The following HYCC1 variants were observed in gnomAD, a reference collection of about 807,000 sequenced individuals.
HYCC1 encodes the protein hyccin.
the HYCC1 span, among the ~76,000 whole-genome samples, chr7:22,907,980 C>T: frequency 6.6e-6 from 1 of 152,142 alleles, no homozygotes; most frequent in Non-Finnish European, 1.5e-5. Context: ...CTCCCATTTG[C>T]TGACCCATAA....
chr7:22,901,578 C>T, the HYCC1 span, among the ~76,000 whole-genome samples: 1 of 151,860 alleles, frequency 6.6e-6, no homozygotes, highest in East Asian at 1.9e-4. Flanking sequence ...AAGCTCTAGC[C>T]CCAACTAAGA....
the HYCC1 span, among the ~76,000 whole-genome samples, chr7:22,915,362 C>T: frequency 5.2e-4 from 79 of 152,366 alleles, no homozygotes; most frequent in Non-Finnish European, 9.4e-4. Context: ...GGTATTCCTT[C>T]GGGACCTCAT....
the HYCC1 span, among the ~76,000 whole-genome samples, chr7:22,980,149 A>G: frequency 6.6e-6 from 1 of 152,188 alleles, no homozygotes; most frequent in Non-Finnish European, 1.5e-5. Flanking sequence ...GTCAGGAAGA[A>G]TAAAATGATA....
At chr7:22,940,264 T>G in the HYCC1 span, 2 of 76,434 alleles carry the variant, frequency 2.6e-5, no homozygotes, top group African/African-American at 4.7e-5. Context: ...TTTTTTTTTT[T>G]TTTTTGAGAT....
At chr7:22,927,101 G>T in the HYCC1 span, among the ~76,000 whole-genome samples, 4 of 152,170 alleles carry the variant, frequency 2.6e-5, no homozygotes, top group Non-Finnish European at 5.9e-5. Context: ...ATAACGAAAT[G>T]AAGGCAGAAA....
the HYCC1 span, among the ~76,000 whole-genome samples, chr7:23,012,510 A>AAAAAAAGCCC: frequency 2.4e-4 from 36 of 152,310 alleles, no homozygotes; most frequent in African/African-American, 6.5e-4. Flanking sequence ...TTTCCTAAAT[A>AAAAAAAGCCC]TGTGATGCTT....
the HYCC1 span, among the ~76,000 whole-genome samples, chr7:23,002,908 T>C: frequency 6.6e-6 from 1 of 152,260 alleles, no homozygotes; most frequent in African/African-American, 2.4e-5. Flanking sequence ...TAGTTTCAGG[T>C]CACTCCCTAT....
chr7:22,902,978 C>T, the HYCC1 span, among the ~76,000 whole-genome samples: 1 of 152,082 alleles, frequency 6.6e-6, no homozygotes, highest in East Asian at 1.9e-4. Context: ...TATTCAATAA[C>T]ATTAGTCATT....
chr7:22,978,578 T>A, the HYCC1 span: 2 of 763,502 alleles, frequency 2.6e-6, no homozygotes, highest in Non-Finnish European at 4.3e-6. Flanking sequence ...AGCTAAGTTG[T>A]AGGGAGTTTC....
the HYCC1 span, among the ~76,000 whole-genome samples, chr7:22,905,027 C>A: frequency 2.5e-4 from 38 of 151,942 alleles, no homozygotes; most frequent in African/African-American, 8.4e-4. Context: ...TATCACACAG[C>A]AAGAAAGGGA....
At chr7:22,898,266 T>C in the HYCC1 span, among the ~76,000 whole-genome samples, 1 of 151,918 alleles carries the variant, frequency 6.6e-6, no homozygotes, top group Non-Finnish European at 1.5e-5. Context: ...CAGGCTGGAG[T>C]GCAGTGGCGC....
At chr7:23,012,038 C>A in the HYCC1 span, among the ~76,000 whole-genome samples, 6 of 152,124 alleles carry the variant, frequency 3.9e-5, no homozygotes, top group African/African-American at 1.4e-4. Flanking sequence ...TAGTAAATTC[C>A]TTGAAGACAA....
chr7:22,931,327 T>C, the HYCC1 span, among the ~76,000 whole-genome samples: 1 of 150,146 alleles, frequency 6.7e-6, no homozygotes, highest in Admixed American at 6.6e-5. Flanking sequence ...AAAGGGAGCA[T>C]AGGCCTTGAA....
At chr7:22,984,594 T>C in the HYCC1 span, among the ~76,000 whole-genome samples, 1 of 152,074 alleles carries the variant, frequency 6.6e-6, no homozygotes. Flanking sequence ...TGGTGGCATA[T>C]GCCTGTAGTC....
At chr7:22,899,848 C>G in the HYCC1 span, among the ~76,000 whole-genome samples, 1 of 151,788 alleles carries the variant, frequency 6.6e-6, no homozygotes, top group East Asian at 1.9e-4. Flanking sequence ...TTTTTTTTCT[C>G]TCTTTTGCTT....
At chr7:22,929,746 A>G in the HYCC1 span, among the ~76,000 whole-genome samples, 1 of 152,312 alleles carries the variant, frequency 6.6e-6, no homozygotes, top group Non-Finnish European at 1.5e-5. Flanking sequence ...CTGTTGGTGG[A>G]CTGTAAACTA....
At chr7:22,962,760 C>T in the HYCC1 span, among the ~76,000 whole-genome samples, 1 of 146,724 alleles carries the variant, frequency 6.8e-6, no homozygotes, top group Non-Finnish European at 1.5e-5. Context: ...TCCATGCCCC[C>T]CCACCCAACC....
At chr7:22,952,003 C>A in the HYCC1 span, among the ~76,000 whole-genome samples, 1 of 151,910 alleles carries the variant, frequency 6.6e-6, no homozygotes, top group South Asian at 2.1e-4. Flanking sequence ...AAAGAAAGAA[C>A]AACTTGCTCA....
the HYCC1 span, chr7:22,964,395 G>A: frequency 1.2e-3 from 1,546 of 1,272,350 alleles, 16 homozygotes; most frequent in African/African-American, 0.019. Flanking sequence ...TGTTTATTTC[G>A]CATATGATGA....
Sources: allele counts gnomAD v4.1 joint callset (sites outside exome capture counted in the v4.1 genomes callset), GRCh38; gene constraint gnomAD v4.1.1; transcripts MANE v1.5; gene names NCBI Gene and HGNC (gene_info 2026-07-23, HGNC 2026-07-21).